CLPSL1: variants seen among roughly 807,000 people sequenced by gnomAD.
CLPSL1 encodes the protein colipase like 1.
Under a neutral mutation model 9.3 loss-of-function variants are expected in CLPSL1, and 13 were observed. That is an observed-to-expected ratio of 1.40 (90% confidence interval 0.91 to 2.22). The LOEUF (loss-of-function observed/expected upper bound fraction) is 2.22. CLPSL1 is among the 30% of genes most tolerant of loss of function. The pLI, the probability that CLPSL1 is intolerant of heterozygous loss-of-function variation, is 0.00. For missense variants in CLPSL1, 164 were observed against 146.6 expected (o/e 1.12, Z -0.61); for synonymous variants, 58 against 56.9 (o/e 1.02, Z -0.08).
At chr6:35,790,014 C>A (rs180944249), downstream of CLPSL1, among the ~76,000 whole-genome samples, 1 of 152,242 alleles carries the variant, frequency 6.6e-6, no homozygotes, top group Non-Finnish European at 1.5e-5. Context: ...GCAGCCTCAT[C>A]CTTCTGGGCT....
chr6:35,791,485 G>A (rs1768208361), downstream of CLPSL1, among the ~76,000 whole-genome samples: 1 of 152,026 alleles, frequency 6.6e-6, no homozygotes, highest in African/African-American at 2.4e-5. Context: ...GGGCACGCCT[G>A]TAATCCCAGC....
At chr6:35,784,426 C>A (rs1263322062) in intron 1 of CLPSL1, among the ~76,000 whole-genome samples, 2 of 152,066 alleles carry the variant, frequency 1.3e-5, no homozygotes, top group East Asian at 3.8e-4. Flanking sequence ...CATGTCCAAC[C>A]CCCACTTCCC....
chr6:35,788,909 A>G (rs1490484561), downstream of CLPSL1, among the ~76,000 whole-genome samples: 6 of 152,220 alleles, frequency 3.9e-5, no homozygotes, highest in African/African-American at 1.4e-4. Context: ...CAGATTTTGG[A>G]CCTAAATTTC....
chr6:35,786,535 G>A (rs1307200236), intron 1 of CLPSL1, among the ~76,000 whole-genome samples: 1 of 152,204 alleles, frequency 6.6e-6, no homozygotes, highest in African/African-American at 2.4e-5. Context: ...TGTCAGAGAT[G>A]ATGGGTGGCT....
chr6:35,791,420 C>T (rs374490678), downstream of CLPSL1, among the ~76,000 whole-genome samples: 70 of 152,152 alleles, frequency 4.6e-4, no homozygotes, highest in African/African-American at 1.6e-3. Flanking sequence ...ACCAGCCTGA[C>T]CAACATGGTG....
At chr6:35,791,474 A>G (rs6907913), downstream of CLPSL1, among the ~76,000 whole-genome samples, 1 of 151,428 alleles carries the variant, frequency 6.6e-6, no homozygotes, top group Admixed American at 6.6e-5. Flanking sequence ...CTGGGCGTGG[A>G]GGGCACGCCT....
At chr6:35,791,578 G>A (rs954689956), downstream of CLPSL1, among the ~76,000 whole-genome samples, 7 of 151,554 alleles carry the variant, frequency 4.6e-5, no homozygotes, top group African/African-American at 7.3e-5. Flanking sequence ...ATTGCATTCC[G>A]GCCTGGGTGA....
At chr6:35,783,428 T>C (rs1049675268) in intron 1 of CLPSL1, among the ~76,000 whole-genome samples, 2 of 151,608 alleles carry the variant, frequency 1.3e-5, no homozygotes, top group African/African-American at 4.9e-5. Flanking sequence ...GAGAATTGCT[T>C]GAACCCGGGA....
At chr6:35,791,713 T>C (rs1768214059), downstream of CLPSL1, among the ~76,000 whole-genome samples, 1 of 152,202 alleles carries the variant, frequency 6.6e-6, no homozygotes, top group Non-Finnish European at 1.5e-5. Flanking sequence ...GGCGGATTGC[T>C]TGAGCCTAGG....
downstream of CLPSL1, among the ~76,000 whole-genome samples, chr6:35,789,043 A>C (rs1260723047): frequency 6.6e-6 from 1 of 152,268 alleles, no homozygotes; most frequent in Admixed American, 6.5e-5. Context: ...AAGTCATAGC[A>C]AAACGATGTG....
chr6:35,781,849 G>A (rs1767973822), intron 1 of CLPSL1, among the ~76,000 whole-genome samples: 1 of 151,504 alleles, frequency 6.6e-6, no homozygotes, highest in Non-Finnish European at 1.5e-5. Flanking sequence ...GAGTTCAAGC[G>A]ATTCCCCTGC....
chr6:35,787,172 C>T (rs1464190048), intron 2 of CLPSL1, 52 bp downstream of exon 2: 11 of 1,590,330 alleles, frequency 6.9e-6, no homozygotes, highest in Non-Finnish European at 8.6e-6. Flanking sequence ...GAAGTGGGAG[C>T]CAGGGCGGGC....
At chr6:35,793,441 A>AAAAG (rs769011611) in intron 1 of CLPSL1, 11 of 451,824 alleles carry the variant, frequency 2.4e-5, no homozygotes, top group South Asian at 1.2e-4. Flanking sequence ...AAAAAAAAAA[A>AAAAG]AGGGTATGCA....
chr6:35,793,421 G>A (rs1244717155), intron 1 of CLPSL1: 5 of 384,516 alleles, frequency 1.3e-5, no homozygotes, highest in Non-Finnish European at 2.5e-5. Flanking sequence ...GCAAAACTCT[G>A]TCTCAAAAAA....
chr6:35,790,327 C>T (rs535221896), downstream of CLPSL1, among the ~76,000 whole-genome samples: 459 of 152,150 alleles, frequency 3.0e-3, no homozygotes, highest in African/African-American at 0.01. Flanking sequence ...ACGTTTTTAG[C>T]CTAATAAGGA....
downstream of CLPSL1, chr6:35,793,675 ATTAC>A (rs2039452192): frequency 2.2e-6 from 1 of 444,978 alleles, no homozygotes. Context: ...TTCAGCCATA[ATTAC>A]TTGGGTTTTT....
At chr6:35,787,714 AGAG>A (rs1443977724) in intron 2 of CLPSL1, among the ~76,000 whole-genome samples, 150 bp from the exon 3 acceptor site, 15 of 152,268 alleles carry the variant, frequency 9.9e-5, no homozygotes, top group Admixed American at 8.5e-4. Context: ...GAAGGCAGCC[AGAG>A]GTGCCACTCT....
chr6:35,789,330 G>A (rs1048348638), downstream of CLPSL1, among the ~76,000 whole-genome samples: 1 of 152,260 alleles, frequency 6.6e-6, no homozygotes, highest in Non-Finnish European at 1.5e-5. Context: ...GCACCAAGAA[G>A]ACACCTTGGG....
Position 35,788,007 on chromosome 6 carries a change from C to T in CLPSL1, c.363C>T (p.Phe121=), listed in dbSNP as rs772375288. 3.7e-6 allele frequency: 6 copies of T among 1,609,756 alleles called. No homozygotes were observed. Among genetic ancestry groups the T allele is most frequent in the East Asian group, 2.2e-5 (1 of 44,844 alleles). ...GRQKLAKKMF[F] The stretch of plus-strand genomic sequence containing the variant: ...AGAAGTTGGCTAAGAAAATGTTCTT[C>T]TAGTGCTCCCTCCTTCTTGCTGCCT... The change falls in exon 3 of 3, where the codon TTC becomes TTT. Residue 121 remains phenylalanine (F), a synonymous_variant. Transcript: ENST00000373861.
Sources: gnomAD v4.1 joint callset for allele counts (sites outside exome capture counted in the v4.1 genomes callset) on GRCh38, gnomAD v4.1.1 for gene constraint, MANE v1.5 for transcripts, NCBI Gene and HGNC (gene_info 2026-07-23, HGNC 2026-07-21) for gene names.